The following MGAM2 variants were observed in gnomAD, a reference collection of about 807,000 sequenced individuals.
MGAM2 encodes maltase-glucoamylase 2 (putative).
Under a neutral mutation model 96.1 loss-of-function variants are expected in MGAM2, and 98 were observed. The ratio of observed to expected loss-of-function variants is 1.02; its 90% CI spans 0.87 to 1.21. MGAM2 has a LOEUF of 1.21. Among genes scored for constraint, MGAM2 ranks in the 50% most tolerant of loss-of-function variants. The pLI is 0.00. For synonymous variants in MGAM2, 749 were observed against 414.8 expected, an observed-to-expected ratio of 1.81 and a Z score of -9.79; for missense variants, 2,055 against 1,182.4, an observed-to-expected ratio of 1.74 and a Z score of -10.82.
intron 9 of MGAM2, among the ~76,000 whole-genome samples, chr7:142,138,236 T>G (rs1001014267): frequency 6.6e-6 from 1 of 152,196 alleles, no homozygotes; most frequent in African/African-American, 2.4e-5. Flanking sequence ...ATATTCCAAG[T>G]GCCCATATTA....
chr7:142,208,491 T>C, intron 45 of MGAM2, 82 bp from the exon 46 acceptor site: 1 of 689,628 alleles, frequency 1.5e-6, no homozygotes, highest in Admixed American at 2.1e-5. Context: ...ATTGAGAGTG[T>C]GGTTTCTGAC....
At position 142,220,894 on chromosome 7, in the gene MGAM2, G is replaced by A. The variant is rs767826070; in HGVS notation, c.6383G>A (p.Gly2128Asp). ...VLIATTSSLT[G>D]TTDVSTSTTI... Reference sequence around the variant, plus strand: ...ATTGCCACTACTTCTTCTCTAACAGGTACTACTGATGTTAGCACTAGTACT... The same window carrying A: ...ATTGCCACTACTTCTTCTCTAACAGATACTACTGATGTTAGCACTAGTACT... Residue 2128 changes from glycine to aspartate, a missense_variant, in exon 48 of 48, where the codon GGT becomes GAT. Physicochemically the swap from Gly to Asp is moderately conservative, Grantham distance 94 (BLOSUM62 -1). Transcript: ENST00000477922. The A allele has an allele frequency of 5.7e-6, 4 of 701,932 alleles. No individual in the cohort carries two copies. Among genetic ancestry groups the A allele is most frequent in the Non-Finnish European group, 1.0e-5 (4 of 384,698 alleles). The allele number at this position is 701,932 out of a possible 1,614,324, so 43.5% of individuals were successfully genotyped here. A position where few individuals can be genotyped will look rare whatever the true frequency, so the allele number is the denominator to read the frequency against.
At chr7:142,144,264 A>G (rs1031968964) in intron 13 of MGAM2, among the ~76,000 whole-genome samples, 1 of 152,240 alleles carries the variant, frequency 6.6e-6, no homozygotes, top group African/African-American at 2.4e-5. Context: ...TTTTTATGGA[A>G]GAACAATAGG....
Position 142,171,377 on chromosome 7 carries a change from G to C in MGAM2, c.3288G>C (p.Thr1096=). 1.4e-6 allele frequency: 1 copy of C among 703,132 alleles called. No individual in the cohort carries two copies. The highest frequency in any genetic ancestry group is 2.6e-6 in the Non-Finnish European group (1 of 384,928). 43.6% of individuals were successfully genotyped at this position (703,132 alleles called of 1,614,324 possible). The change falls in exon 28 of 48, where the codon ACG becomes ACC. Residue 1096 remains threonine (T), a synonymous_variant. Coordinates refer to ENST00000477922, the MANE Select transcript of MGAM2 (RefSeq NM_001293626.2). ...ATGGCTTTGGGGAAACTGAGCACAC[G>C]ACTTTCAGAAGAAACATGAACTGGA... is the stretch of plus-strand genomic sequence containing the variant. The part of the protein sequence containing the change: ...YIYGFGETEH[T]TFRRNMNWNT...
At chr7:142,202,772 G>A (rs559960801) in intron 45 of MGAM2, among the ~76,000 whole-genome samples, 2 of 152,186 alleles carry the variant, frequency 1.3e-5, no homozygotes, top group East Asian at 1.9e-4. Context: ...AGTGCTGTGA[G>A]GAACATAAGA....
intron 46 of MGAM2, 35 bp from the exon 47 acceptor site, chr7:142,218,326 T>A: frequency 1.6e-6 from 1 of 637,074 alleles, no homozygotes; most frequent in African/African-American, 1.8e-5. Context: ...CAACAATATG[T>A]TATGTATTCT....
Position 142,221,389 on chromosome 7 carries a change from A to G in MGAM2, c.6878A>G (p.Tyr2293Cys). ...ACTAATCCTGGCATGACTACTTATT[A>G]CCAGACTTCTCCTACCATTCCTACC... ...NNTNPGMTTY[Y>C]QTSPTIPTHT... is the part of the protein sequence containing the mutation. The change falls in exon 48 of 48, where the codon TAC becomes TGC. Residue 2293 changes from tyrosine (Y) to cysteine (C), a missense_variant. By Grantham distance (194) the Tyr-to-Cys change is radical. Transcript: ENST00000477922. 1.6e-6 allele frequency: 1 copy of G among 606,764 alleles called. No homozygotes were observed. Among genetic ancestry groups the G allele is most frequent in the Non-Finnish European group, 2.9e-6 (1 of 341,442 alleles). 37.6% of individuals were successfully genotyped at this position (606,764 alleles called of 1,614,324 possible).
intron 47 of MGAM2, among the ~76,000 whole-genome samples, 196 bp downstream of exon 47, chr7:142,218,727 G>T (rs896366382): frequency 1.3e-5 from 2 of 152,148 alleles, no homozygotes; most frequent in Non-Finnish European, 1.5e-5. Context: ...AACATTAATG[G>T]TCTTTCCAGT....
In MGAM2 at chr7:142,161,983, A is replaced by C. The variant is rs1413160809; in HGVS notation, c.2463A>C (p.Leu821=). The change falls in exon 23 of 48, where the codon CTA becomes CTC. Residue 821 remains leucine (L), a synonymous_variant. Transcript: ENST00000477922. ...KDAVTEKKYI[L]YDFSVTSNHL... ...CTGTGACTGAAAAGAAGTATATTCTATATGATTTCTCTGTTACCTCTGTAA... is the reference window on the plus strand; with the variant it reads ...CTGTGACTGAAAAGAAGTATATTCTCTATGATTTCTCTGTTACCTCTGTAA... 4 of 697,092 alleles carry C rather than the reference A, an allele frequency of 5.7e-6. No homozygotes were observed. The highest frequency in any genetic ancestry group is 1.0e-5 in the Non-Finnish European group (4 of 382,986). 43.2% of individuals were successfully genotyped at this position (697,092 alleles called of 1,614,324 possible). A position where few individuals can be genotyped will look rare whatever the true frequency, so the allele number is the denominator to read the frequency against.
At chr7:142,193,143 T>TA (rs1256223343) in intron 37 of MGAM2, among the ~76,000 whole-genome samples, 2 of 152,206 alleles carry the variant, frequency 1.3e-5, no homozygotes, top group Admixed American at 6.6e-5. Context: ...GATATATATA[T>TA]TTTTTAATTC....
intron 5 of MGAM2, 30 bp downstream of exon 5, chr7:142,131,657 T>A (rs1249648218): frequency 1.1e-5 from 8 of 701,632 alleles, no homozygotes; most frequent in Non-Finnish European, 2.1e-5. Flanking sequence ...CTAAATACAT[T>A]TCTGAAGAAA....
At chr7:142,114,213 A>AG (rs1817302184) in intron 1 of MGAM2, among the ~76,000 whole-genome samples, 1 of 115,974 alleles carries the variant, frequency 8.6e-6, no homozygotes, top group Non-Finnish European at 1.8e-5. Flanking sequence ...AAAGAAAGAA[A>AG]GAGAGAAAGA....
chr7:142,208,331 G>A (rs1797472142), intron 45 of MGAM2: 1 of 624,144 alleles, frequency 1.6e-6, no homozygotes, highest in Non-Finnish European at 3.0e-6. Flanking sequence ...GTTCAACCCA[G>A]ATTCTCTTGC....
intron 27 of MGAM2, among the ~76,000 whole-genome samples, chr7:142,170,910 G>A (rs147516686): frequency 2.0e-5 from 3 of 152,172 alleles, no homozygotes; most frequent in African/African-American, 7.2e-5. Context: ...TGTTCTAAGA[G>A]TTTCATGCTT....
chr7:142,113,390 T>A (rs1817241726), intron 1 of MGAM2, among the ~76,000 whole-genome samples: 1 of 152,094 alleles, frequency 6.6e-6, no homozygotes, highest in Non-Finnish European at 1.5e-5. Flanking sequence ...AAGGCTTGAA[T>A]ATAGGAGATC....
intron 17 of MGAM2, among the ~76,000 whole-genome samples, chr7:142,156,601 C>G (rs1287520868): frequency 6.6e-6 from 1 of 152,186 alleles, no homozygotes; most frequent in African/African-American, 2.4e-5. Flanking sequence ...GTGGACAGCA[C>G]AGCTCTGGGC....
At chr7:142,208,112 T>A (rs114974527) in intron 45 of MGAM2, 84 of 452,346 alleles carry the variant, frequency 1.9e-4, no homozygotes, top group African/African-American at 1.7e-3. Context: ...TTAAGTAACT[T>A]GTCTGAGTTT....
chr7:142,113,203 G>C (rs1249244774), intron 1 of MGAM2, among the ~76,000 whole-genome samples: 1 of 152,142 alleles, frequency 6.6e-6, no homozygotes, highest in Non-Finnish European at 1.5e-5. Flanking sequence ...AAAAATAAGA[G>C]AGAGAACAGT....
At chr7:142,173,116 G>A (rs747604645) in intron 30 of MGAM2, 113 bp from the exon 31 acceptor site, 4 of 573,618 alleles carry the variant, frequency 7.0e-6, no homozygotes, top group African/African-American at 3.7e-5. Flanking sequence ...TCTTTCTTGG[G>A]TGAGGCCTCT....
Sources: gnomAD v4.1 joint callset for allele counts (sites outside exome capture counted in the v4.1 genomes callset) on GRCh38, gnomAD v4.1.1 for gene constraint, MANE v1.5 for transcripts, NCBI Gene and HGNC (gene_info 2026-07-23, HGNC 2026-07-21) for gene names.